The following RAP1GAP variants were observed in gnomAD, a reference collection of about 807,000 sequenced individuals.
The protein encoded by RAP1GAP is RAP1 GTPase activating protein.
RAP1GAP carries 35 observed loss-of-function variants against 87.2 expected under a neutral mutation model. The ratio of observed to expected loss-of-function variants is 0.40; its 90% confidence interval spans 0.31 to 0.53. The LOEUF (loss-of-function observed/expected upper bound fraction) is 0.53, where lower values mean the gene tolerates loss of function less well. RAP1GAP is among the 20% of genes least tolerant of loss of function. The pLI, the probability that RAP1GAP is intolerant of heterozygous loss-of-function variation, is 0.48. For synonymous variants in RAP1GAP, 375 were observed against 363.9 expected, an observed-to-expected ratio of 1.03 and a Z score of -0.35; for missense variants, 734 against 898.9, an observed-to-expected ratio of 0.82 and a Z score of 2.35.
rs754983089 is a variant in RAP1GAP, at chr1:21,626,315, G to C, written c.-30C>G. ...AGGGGGACACTTACCTTAGGGTAGA[G>C]TGAAGGAGTATAGGAGGGAACTAAG... On this transcript the variant is annotated 5_prime_UTR_variant, in exon 3 of 25. Coordinates refer to ENST00000374765, the MANE Select transcript of RAP1GAP (RefSeq NM_002885.4). The C allele has an allele frequency of 1.2e-6, 2 of 1,607,370 alleles. No individual in the cohort carries two copies. Among genetic ancestry groups the C allele is most frequent in the African/African-American group, 1.3e-5 (1 of 74,912 alleles).
chr1:21,644,174 T>C (rs951985186), intron 2 of RAP1GAP, among the ~76,000 whole-genome samples: 2 of 152,168 alleles, frequency 1.3e-5, no homozygotes, highest in African/African-American at 2.4e-5. Flanking sequence ...AAGCAGGGCG[T>C]CTCTCTGGCA....
chr1:21,605,617 A>C (rs777615731), intron 18 of RAP1GAP, among the ~76,000 whole-genome samples: 1 of 152,048 alleles, frequency 6.6e-6, no homozygotes, highest in Non-Finnish European at 1.5e-5. Flanking sequence ...GCATGTCCAC[A>C]CAGCAGCCCA....
intron 2 of RAP1GAP, among the ~76,000 whole-genome samples, chr1:21,636,846 A>G (rs2094758359): frequency 6.7e-6 from 1 of 148,864 alleles, no homozygotes; most frequent in Non-Finnish European, 1.5e-5. Flanking sequence ...GAAGAAGAAG[A>G]AGAAGGAGGA....
chr1:21,656,417 TAAAAAAAAAAAAA>T (rs71661339), intron 1 of RAP1GAP, among the ~76,000 whole-genome samples: 2 of 96,178 alleles, frequency 2.1e-5, no homozygotes, highest in African/African-American at 4.3e-5. Flanking sequence ...AGACTCCATC[TAAAAAAAAAAAAA>T]AAAAAAAAAA....
At chr1:21,601,903 C>T (rs1421627639) in intron 19 of RAP1GAP, 106 bp from the exon 20 acceptor site, 3 of 736,286 alleles carry the variant, frequency 4.1e-6, no homozygotes, top group Non-Finnish European at 6.5e-6. Flanking sequence ...CTGCCTCATA[C>T]CCACGCCCCT....
chr1:21,663,651 T>G lies in RAP1GAP; in HGVS notation c.-149+5603A>C, dbSNP rs1181292332. On this transcript the variant is annotated intron_variant, in intron 1 of 24. Coordinates refer to ENST00000374765, the MANE Select transcript of RAP1GAP (RefSeq NM_002885.4). ...GAGGGCTGTCCTCTGAGCAGGGTAC[T>G]GGGGTGGCTTTCCCTCGCAGAACTG... Among the ~76,000 whole-genome samples, 6 of 152,132 alleles carry G rather than the reference T, an allele frequency of 3.9e-5. No homozygotes were observed. In the East Asian group the frequency reaches 1.2e-3, roughly 29 times the overall value.
At chr1:21,618,734 G>A (rs140227073) in intron 5 of RAP1GAP, among the ~76,000 whole-genome samples, 76 of 152,258 alleles carry the variant, frequency 5.0e-4, no homozygotes, top group African/African-American at 1.5e-3. Flanking sequence ...GGGTGGGGAC[G>A]CCTGGAGAGG....
Position 21,634,058 on chromosome 1 carries a change from CG to C in RAP1GAP, c.-112-7662del, listed in dbSNP as rs59476256. ...TGGCTGCCCCAGAACTGCCCCCTCC[CG>C]GGGGGGGGGGGGGGCCACAGAAGCC... On this transcript the variant is annotated intron_variant, in intron 2 of 24. Coordinates refer to ENST00000374765, the MANE Select transcript of RAP1GAP (RefSeq NM_002885.4). The surrounding 1 kb of genome is among the most constrained non-coding windows in gnomAD (Gnocchi z 4.1). Among the ~76,000 whole-genome samples the C allele has an allele frequency of 0.027, 3,781 of 142,652 alleles. 106 individuals are homozygous for C. Among genetic ancestry groups the C allele is most frequent in the African/African-American group, 0.078 (2,815 of 36,272 alleles). The allele number at this position is 142,652 out of a possible 152,430, so 93.6% of individuals were successfully genotyped here. A position where few individuals can be genotyped will look rare whatever the true frequency, so the allele number is the denominator to read the frequency against.
chr1:21,618,150 T>C (rs1462844019), intron 5 of RAP1GAP, among the ~76,000 whole-genome samples, 178 bp from the exon 6 acceptor site: 2 of 152,150 alleles, frequency 1.3e-5, no homozygotes, highest in Admixed American at 6.5e-5. Flanking sequence ...TGGCATCTTC[T>C]GGGGCTCTCC....
At chr1:21,659,463 C>T (rs1364068554) in intron 1 of RAP1GAP, among the ~76,000 whole-genome samples, 2 of 152,172 alleles carry the variant, frequency 1.3e-5, no homozygotes, top group Non-Finnish European at 2.9e-5. Context: ...AGCGCCCGTC[C>T]TCGCCCTCTC....
At position 21,624,220 on chromosome 1, in the gene RAP1GAP, T is replaced by A. The variant is rs556621316; in HGVS notation, c.-19+2084A>T. Among the ~76,000 whole-genome samples the A allele has an allele frequency of 9.9e-5, 15 of 152,246 alleles. No homozygotes were observed. In the East Asian group the frequency reaches 2.9e-3, roughly 29 times the overall value. The stretch of plus-strand genomic sequence containing the variant: ...GGAGGGTCCTGGGTAGCTCGATGCC[T>A]GTACAAATGTGGGGCCTGAAGGGAG... On this transcript the variant is annotated intron_variant, in intron 3 of 24. Coordinates refer to ENST00000374765, the MANE Select transcript of RAP1GAP (RefSeq NM_002885.4).
rs570430562 is a variant in RAP1GAP, at chr1:21,652,285, C to G, written c.-148-2489G>C. On this transcript the variant is annotated intron_variant, in intron 1 of 24. Coordinates refer to ENST00000374765, the MANE Select transcript of RAP1GAP (RefSeq NM_002885.4). ...GGGCATGTCCCGCCCCTCCCTGTCC[C>G]TCGACTTTCTCATCTGTAAAGTGGG... is the stretch of plus-strand genomic sequence containing the variant. Among the ~76,000 whole-genome samples, 5 of 152,338 alleles carry G rather than the reference C, an allele frequency of 3.3e-5. 1 individual carries two copies. In the South Asian group the frequency reaches 1.0e-3, roughly 32 times the overall value.
chr1:21,600,007 T>G (rs2066868249), intron 20 of RAP1GAP, among the ~76,000 whole-genome samples: 1 of 152,160 alleles, frequency 6.6e-6, no homozygotes, highest in South Asian at 2.1e-4. Context: ...ATCTTATCGC[T>G]ATGATTATTA....
Position 21,619,009 on chromosome 1 carries a change from T to C in RAP1GAP, c.66+16A>G, listed in dbSNP as rs777495020. 6.3e-7 allele frequency: 1 copy of C among 1,590,910 alleles called. No individual in the cohort carries two copies. The highest frequency in any genetic ancestry group is 1.3e-5 in the African/African-American group (1 of 74,726). ...CCACCCCCTAGAGAGGGAGGCAGACTGCCAGGCCCACCTACTTTGAGGGGC... is the reference window on the plus strand; with the variant it reads ...CCACCCCCTAGAGAGGGAGGCAGACCGCCAGGCCCACCTACTTTGAGGGGC... On this transcript the variant is annotated intron_variant, in intron 5 of 24. Transcript: ENST00000374765.
chr1:21,598,613 C>A (rs1467166525), intron 21 of RAP1GAP, 111 bp from the exon 22 acceptor site: 14 of 913,702 alleles, frequency 1.5e-5, no homozygotes, highest in African/African-American at 1.5e-4. Context: ...CCACCCGTAC[C>A]CTCTGCGAGG....
chr1:21,606,157 C>G lies in RAP1GAP; in HGVS notation c.1337G>C (p.Gly446Ala). Residue 446 changes from glycine to alanine, a missense_variant, in exon 18 of 25, where the codon GGG becomes GCG. Coordinates refer to ENST00000374765, the MANE Select transcript of RAP1GAP (RefSeq NM_002885.4). ...GGTGTTGGGCTTCTTGTTGCTCAGCCCCATGGCATCCATGGACTGGCTGCG... is the reference window on the plus strand; with the variant it reads ...GGTGTTGGGCTTCTTGTTGCTCAGCGCCATGGCATCCATGGACTGGCTGCG... ...RSRSQSMDAM[G>A]LSNKKPNTVS... 1 of 1,585,082 alleles carries G rather than the reference C, an allele frequency of 6.3e-7. No individual in the cohort carries two copies. The highest frequency in any genetic ancestry group is 8.6e-7 in the Non-Finnish European group (1 of 1,166,062).
chr1:21,610,344 G>A, intron 13 of RAP1GAP, 69 bp from the exon 14 acceptor site: 1 of 1,571,180 alleles, frequency 6.4e-7, no homozygotes, highest in Non-Finnish European at 8.7e-7. Flanking sequence ...GGTGCCCACG[G>A]GGGTTTAGGA....
intron 3 of RAP1GAP, 138 bp downstream of exon 3, chr1:21,626,166 T>G: frequency 1.4e-6 from 1 of 733,420 alleles, no homozygotes; most frequent in Non-Finnish European, 2.3e-6. Context: ...GGCAACCCCT[T>G]AGGAGCTAAA....
In RAP1GAP at chr1:21,603,916, G is replaced by A; in HGVS notation, c.1429-1003C>T. 1.3e-6 allele frequency: 2 copies of A among 1,532,608 alleles called. No individual in the cohort carries two copies. Among genetic ancestry groups the A allele is most frequent in the Non-Finnish European group, 1.8e-6 (2 of 1,133,862 alleles). The allele number at this position is 1,532,608 out of a possible 1,614,324, so 94.9% of individuals were successfully genotyped here. ...TTTTCCCAGGAATAAGCAATGACTG[G>A]CAAGCAGCAGAGGGCGGGGGCAGAG... On this transcript the variant is annotated intron_variant, in intron 18 of 24. Transcript: ENST00000374765. The surrounding 1 kb of genome is among the most constrained non-coding windows in gnomAD (Gnocchi z 6.0).
Sources: allele counts gnomAD v4.1 joint callset (sites outside exome capture counted in the v4.1 genomes callset), GRCh38; gene constraint gnomAD v4.1.1; non-coding constraint Gnocchi (gnomAD v3.1); transcripts MANE v1.5; gene names NCBI Gene and HGNC (gene_info 2026-07-23, HGNC 2026-07-21).